CSF2RA: variants seen among roughly 807,000 people sequenced by gnomAD.
CSF2RA encodes colony stimulating factor 2 receptor subunit alpha.
In CSF2RA, 42 loss-of-function variants were observed where a neutral mutation model predicts 51.6. The ratio of observed to expected loss-of-function variants is 0.81; its 90% CI spans 0.64 to 1.05. CSF2RA has a LOEUF of 1.05. Ranked by LOEUF, CSF2RA falls within the 50% of genes least tolerant of loss-of-function variation. The probability of loss-of-function intolerance (pLI) is 0.00; values close to 1 mark genes in which losing one functional copy is unlikely to be tolerated. For synonymous variants in CSF2RA, 222 were observed against 193.0 expected, an observed-to-expected ratio of 1.15 and a Z score of -1.24; for missense variants, 530 against 501.1, an observed-to-expected ratio of 1.06 and a Z score of -0.55.
intron 2 of CSF2RA, 122 bp downstream of exon 2, chrX:1,274,940 G>A: frequency 4.7e-6 from 2 of 429,040 alleles, no homozygotes; most frequent in Non-Finnish European, 9.4e-6. Flanking sequence ...GAGAACTCAG[G>A]GCAGAAGAAT....
intron 2 of CSF2RA, among the ~76,000 whole-genome samples, chrX:1,281,052 CCCTTCTCCTCCT>C (rs2069833748): frequency 2.0e-4 from 2 of 9,996 alleles, no homozygotes; most frequent in East Asian, 3.8e-3. Flanking sequence ...CCTCCTGCTC[CCCTTCTCCTCCT>C]CCTTCTCCTC....
chrX:1,321,505 G>A, the CSF2RA span, among the ~76,000 whole-genome samples: 1,065 of 151,314 alleles, frequency 7.0e-3, 7 homozygotes, highest in Middle Eastern at 0.027. Context: ...AACCCAGGAG[G>A]CAGAGGTTGC....
intron 2 of CSF2RA, among the ~76,000 whole-genome samples, chrX:1,281,027 C>CCTGCTCCTT (rs2089938894): frequency 1.1e-5 from 1 of 91,740 alleles, no homozygotes; most frequent in African/African-American, 3.6e-5. Flanking sequence ...TCCTCCTTCT[C>CCTGCTCCTT]CTCCTCCTCA....
chrX:1,277,978 A>AG (rs1475971721), intron 2 of CSF2RA, among the ~76,000 whole-genome samples: 1 of 141,246 alleles, frequency 7.1e-6, no homozygotes, highest in Non-Finnish European at 1.6e-5. Flanking sequence ...CTCAGTCTCA[A>AG]AAAAAAAAAA....
downstream of CSF2RA, among the ~76,000 whole-genome samples, chrX:1,314,552 GCACCTGCCCAATCCCACTGCA>G (rs2084413359): frequency 1.0e-5 from 1 of 97,740 alleles, no homozygotes; most frequent in African/African-American, 4.1e-5. Context: ...CAATCCCACT[GCACCTGCCCAATCCCACTGCA>G]CCTGCCCAAC....
chrX:1,322,884 C>A, the CSF2RA span, among the ~76,000 whole-genome samples: 2 of 151,664 alleles, frequency 1.3e-5, no homozygotes, highest in African/African-American at 4.9e-5. Context: ...AATCCCAGCA[C>A]TTTGGGAGGC....
At chrX:1,287,361 C>A (rs28782499) in intron 4 of CSF2RA, among the ~76,000 whole-genome samples, 4 of 143,486 alleles carry the variant, frequency 2.8e-5, no homozygotes, top group East Asian at 2.1e-4. Context: ...ACCATGTTGG[C>A]CAGGCTGGTC....
intron 1 of CSF2RA, among the ~76,000 whole-genome samples, chrX:1,271,605 C>A (rs2088438722): frequency 1.3e-5 from 2 of 152,080 alleles, no homozygotes; most frequent in Admixed American, 6.6e-5. Context: ...TAACCTCCGC[C>A]TCCCGGGTTC....
At chrX:1,305,149 A>C (rs1224737120) in intron 11 of CSF2RA, among the ~76,000 whole-genome samples, 1 of 150,036 alleles carries the variant, frequency 6.7e-6, no homozygotes, top group Admixed American at 6.7e-5. Context: ...AAGCACCACG[A>C]TACTCAGCTA....
At chrX:1,323,597 G>A in the CSF2RA span, among the ~76,000 whole-genome samples, 1 of 151,612 alleles carries the variant, frequency 6.6e-6, no homozygotes, top group East Asian at 1.9e-4. Context: ...TTTAGAAGCT[G>A]TCTGGGCTGG....
At chrX:1,315,756 T>C in the CSF2RA span, among the ~76,000 whole-genome samples, 4 of 148,632 alleles carry the variant, frequency 2.7e-5, no homozygotes, top group African/African-American at 1.0e-4. Context: ...AGATAGAAAA[T>C]AGATAAAATA....
At chrX:1,308,072 C>T (rs1409618941) in intron 12 of CSF2RA, among the ~76,000 whole-genome samples, 1 of 151,924 alleles carries the variant, frequency 6.6e-6, no homozygotes, top group Non-Finnish European at 1.5e-5. Flanking sequence ...ATGAGGCCCA[C>T]CCCCTTTAGA....
At chrX:1,307,228 A>G (rs2083663579) in intron 12 of CSF2RA, among the ~76,000 whole-genome samples, 1 of 152,212 alleles carries the variant, frequency 6.6e-6, no homozygotes. Flanking sequence ...TGAAATTTTT[A>G]AAAAGGAAAT....
intron 12 of CSF2RA, chrX:1,306,068 C>A: frequency 5.3e-6 from 2 of 380,256 alleles, no homozygotes; most frequent in South Asian, 2.8e-5. Flanking sequence ...GGTGACAGAG[C>A]GAGACTCCAT....
chrX:1,275,434 T>C (rs1159447704), intron 2 of CSF2RA, among the ~76,000 whole-genome samples: 1 of 151,994 alleles, frequency 6.6e-6, no homozygotes, highest in Admixed American at 6.6e-5. Flanking sequence ...GAGCCAAATA[T>C]GAGTGAGCAA....
intron 7 of CSF2RA, among the ~76,000 whole-genome samples, chrX:1,293,275 G>C (rs1168554377): frequency 1.3e-5 from 2 of 152,110 alleles, no homozygotes; most frequent in Non-Finnish European, 2.9e-5. Flanking sequence ...CTGGAGGGCA[G>C]TGGCGGGATC....
chrX:1,276,801 G>C (rs570800970), intron 2 of CSF2RA, among the ~76,000 whole-genome samples: 2 of 151,970 alleles, frequency 1.3e-5, no homozygotes, highest in South Asian at 4.2e-4. Flanking sequence ...TGGCCTCCTA[G>C]AAAGCATACA....
At chrX:1,318,041 T>G in the CSF2RA span, among the ~76,000 whole-genome samples, 3 of 151,686 alleles carry the variant, frequency 2.0e-5, no homozygotes, top group Non-Finnish European at 2.9e-5. Context: ...CAGGCTGGAG[T>G]GCAGTGGAGC....
rs2092311734 is a variant in CSF2RA at position 1,300,727 on chromosome X, G to A, written c.946+101G>A. 42 of 1,497,606 alleles carry A rather than the reference G, an allele frequency of 2.8e-5. No individual in the cohort carries two copies. The South Asian group carries it at 3.8e-4, about 14-fold the overall frequency. The allele number at this position is 1,497,606 out of a possible 1,614,324, so 92.8% of individuals were successfully genotyped here. On this transcript the variant is annotated intron_variant, in intron 10 of 12. Transcript: ENST00000381529. ...CTGTCCTGGGCGCTGAGATCGAGTT[G>A]AGCACGTCGCTGGGAGTAGTGTCAG...
Sources: gnomAD v4.1 joint callset for allele counts (sites outside exome capture counted in the v4.1 genomes callset) on GRCh38, gnomAD v4.1.1 for gene constraint, MANE v1.5 for transcripts, NCBI Gene and HGNC (gene_info 2026-07-23, HGNC 2026-07-21) for gene names.